The following TMEM63A variants were observed in gnomAD, a reference collection of about 807,000 sequenced individuals.
TMEM63A encodes transmembrane protein 63A.
Under a neutral mutation model 100.6 loss-of-function variants are expected in TMEM63A, and 76 were observed. That is an observed-to-expected ratio of 0.76 (90% CI 0.63 to 0.91). TMEM63A has a LOEUF of 0.91. TMEM63A is among the 40% of genes least tolerant of loss of function. The pLI is 0.00. For missense variants in TMEM63A, 876 were observed against 1,008.8 expected (o/e 0.87, Z 1.78); for synonymous variants, 401 against 401.1 (o/e 1.00, Z 0.00).
chr1:225,862,961 C>T lies in TMEM63A; in HGVS notation c.747-110G>A. 1.9e-6 allele frequency: 2 copies of T among 1,046,232 alleles called. No individual in the cohort carries two copies. The highest frequency in any genetic ancestry group is 2.9e-6 in the Non-Finnish European group (2 of 688,872). 64.8% of individuals were successfully genotyped at this position (1,046,232 alleles called of 1,614,324 possible). A position where few individuals can be genotyped will look rare whatever the true frequency, so the allele number is the denominator to read the frequency against. ...AAAGGATGGCAGAGTGATCTCGCTG[C>T]TGGTTTCTGTGCCAGCGGAGACCTC... On this transcript the variant is annotated intron_variant, in intron 10 of 24. Coordinates refer to ENST00000366835, the MANE Select transcript of TMEM63A (RefSeq NM_014698.3). This position sits in a 1 kb window ranked among gnomAD's most constrained non-coding sequence, Gnocchi z 5.1.
chr1:225,867,220 G>A lies in TMEM63A; in HGVS notation c.515-57C>T, dbSNP rs1053209268. On this transcript the variant is annotated intron_variant, in intron 7 of 24. Transcript: ENST00000366835. This position sits in a 1 kb window ranked among gnomAD's most constrained non-coding sequence, Gnocchi z 4.6. The stretch of plus-strand genomic sequence containing the variant: ...GTCATGTGGGGAAGCAGGAGGGGGC[G>A]TAACCAATCAGCCTTGGTTTGTGGA... 21 of 1,572,148 alleles carry A rather than the reference G, an allele frequency of 1.3e-5. No individual in the cohort carries two copies. Among genetic ancestry groups the A allele is most frequent in the African/African-American group, 5.4e-5 (4 of 73,920 alleles).
At chr1:225,845,385 A>C (rs1382794008), downstream of TMEM63A, 1 of 1,519,462 alleles carries the variant, frequency 6.6e-7, no homozygotes, top group South Asian at 1.2e-5. Flanking sequence ...TCCCCCCACA[A>C]GTGCCCTCCA....
chr1:225,881,828 T>C (rs1671104280), intron 1 of TMEM63A, among the ~76,000 whole-genome samples: 1 of 127,426 alleles, frequency 7.8e-6, no homozygotes, highest in Non-Finnish European at 1.7e-5. Flanking sequence ...GTCCCCAGCC[T>C]CCCTCCTCAG....
chr1:225,864,682 G>A (rs1670111452), intron 10 of TMEM63A: 1 of 152,222 alleles, frequency 6.6e-6, no homozygotes, highest in Non-Finnish European at 1.5e-5. Flanking sequence ...TAGAGTTTCT[G>A]AAGAAGTTTT....
intron 17 of TMEM63A, 45 bp downstream of exon 17, chr1:225,856,607 T>C: frequency 6.3e-7 from 1 of 1,597,474 alleles, no homozygotes; most frequent in Non-Finnish European, 8.6e-7. Context: ...GCTCTCCTGA[T>C]GTGACTCTTA....
In TMEM63A at chr1:225,853,477, T is replaced by G. The variant is rs1576074014; in HGVS notation, c.1797+152A>C. 5 of 738,808 alleles carry G rather than the reference T, an allele frequency of 6.8e-6. No individual in the cohort carries two copies. The highest frequency in any genetic ancestry group is 2.9e-5 in the South Asian group (1 of 34,352). 45.8% of individuals were successfully genotyped at this position (738,808 alleles called of 1,614,324 possible). ...GAGGCCACGCCTGCCTGGACCCGGG[T>G]TTGAGAAGCACTTAGCCCAGTGCCT... On this transcript the variant is annotated intron_variant, in intron 19 of 24. Transcript: ENST00000366835. The surrounding 1 kb of genome is among the most constrained non-coding windows in gnomAD (Gnocchi z 4.0).
chr1:225,848,436 T>C (rs1669134423), intron 23 of TMEM63A, 56 bp downstream of exon 23: 1 of 1,598,364 alleles, frequency 6.3e-7, no homozygotes, highest in African/African-American at 1.3e-5. Context: ...TTGGGACTGT[T>C]ACAACCAAAG....
In TMEM63A at chr1:225,862,394, TG is replaced by T. The variant is rs778752505; in HGVS notation, c.952-44del. The T allele has an allele frequency of 9.9e-5, 160 of 1,613,880 alleles. No individual in the cohort carries two copies. Among genetic ancestry groups the T allele is most frequent in the Non-Finnish European group, 1.3e-4 (159 of 1,179,844 alleles). Reference sequence around the variant, plus strand: ...CCATTGGGATGACGTGGCCCCATGCTGGTATCTGGGGCACCCCGATGCCAAT... The same window carrying T: ...CCATTGGGATGACGTGGCCCCATGCTGTATCTGGGGCACCCCGATGCCAAT... On this transcript the variant is annotated intron_variant, in intron 12 of 24. Transcript: ENST00000366835. This position sits in a 1 kb window ranked among gnomAD's most constrained non-coding sequence, Gnocchi z 5.1.
At chr1:225,848,371 G>A in intron 23 of TMEM63A, 121 bp downstream of exon 23, 5 of 1,013,128 alleles carry the variant, frequency 4.9e-6, no homozygotes, top group Non-Finnish European at 7.3e-6. Context: ...TCACAAACTT[G>A]CCTGCCATGT....
chr1:225,852,542 G>T (rs1205355268), intron 20 of TMEM63A, 122 bp downstream of exon 20: 4 of 832,928 alleles, frequency 4.8e-6, no homozygotes, highest in Non-Finnish European at 5.9e-6. Flanking sequence ...GCAGCTTGTG[G>T]CTCTTGTGGC....
intron 10 of TMEM63A, chr1:225,864,945 ACT>A (rs933116482): frequency 6.6e-6 from 1 of 152,024 alleles, no homozygotes; most frequent in African/African-American, 2.4e-5. Context: ...ACATAGCAAG[ACT>A]CTATCTCCAT....
At chr1:225,857,945 G>A (rs541764711) in intron 15 of TMEM63A, among the ~76,000 whole-genome samples, 1 of 152,112 alleles carries the variant, frequency 6.6e-6, no homozygotes, top group Non-Finnish European at 1.5e-5. Flanking sequence ...ACTATCTATG[G>A]AGTCAGATAA....
chr1:225,853,618 G>A lies in TMEM63A; in HGVS notation c.1797+11C>T. Reference sequence around the variant, plus strand: ...AGTCAGAGGCACAGCCCTGGGCCCAGGGGATGGCACCTGCTTGACATTCCT... The same window carrying A: ...AGTCAGAGGCACAGCCCTGGGCCCAAGGGATGGCACCTGCTTGACATTCCT... On this transcript the variant is annotated intron_variant, in intron 19 of 24. Transcript: ENST00000366835. This position sits in a 1 kb window ranked among gnomAD's most constrained non-coding sequence, Gnocchi z 4.0. 6.4e-7 allele frequency: 1 copy of A among 1,551,614 alleles called. No homozygotes were observed. Among genetic ancestry groups the A allele is most frequent in the Non-Finnish European group, 8.7e-7 (1 of 1,146,548 alleles).
chr1:225,862,149 G>C lies in TMEM63A; in HGVS notation c.1085+69C>G. 2 of 1,591,310 alleles carry C rather than the reference G, an allele frequency of 1.3e-6. No individual in the cohort carries two copies. Among genetic ancestry groups the C allele is most frequent in the South Asian group, 1.1e-5 (1 of 88,770 alleles). On this transcript the variant is annotated intron_variant, in intron 13 of 24. Coordinates refer to ENST00000366835, the MANE Select transcript of TMEM63A (RefSeq NM_014698.3). The surrounding 1 kb of genome is among the most constrained non-coding windows in gnomAD (Gnocchi z 5.1). ...TCAGCAGTACCATCTCCACTCGAGA[G>C]GGACAGTGAGTTATCTGGAGGGGAA...
chr1:225,874,228 A>T, intron 4 of TMEM63A, 60 bp downstream of exon 4: 1 of 1,499,560 alleles, frequency 6.7e-7, no homozygotes, highest in Non-Finnish European at 9.2e-7. Context: ...ACACTCACGC[A>T]CATATACACA....
intron 22 of TMEM63A, 75 bp downstream of exon 22, chr1:225,848,822 G>A (rs933005217): frequency 1.6e-5 from 19 of 1,181,600 alleles, no homozygotes; most frequent in Admixed American, 6.0e-5. Context: ...AAGGGTGGGC[G>A]GGGTTGACAG....
At chr1:225,866,023 G>T in intron 9 of TMEM63A, 56 bp from the exon 10 acceptor site, 1 of 1,582,676 alleles carries the variant, frequency 6.3e-7, no homozygotes, top group South Asian at 1.1e-5. Flanking sequence ...GTGCCGGTAT[G>T]CTCAGGTTTC....
downstream of TMEM63A, among the ~76,000 whole-genome samples, chr1:225,843,442 C>T (rs564115274): frequency 6.6e-6 from 1 of 152,332 alleles, no homozygotes; most frequent in Admixed American, 6.5e-5. Flanking sequence ...TCCTCACCTC[C>T]TCCAAGAGCC....
rs578230102 is a variant in TMEM63A at position 225,857,786 on chromosome 1, A to G, written c.1378-769T>C. Among the ~76,000 whole-genome samples, 28 of 152,356 alleles carry G rather than the reference A, an allele frequency of 1.8e-4. No individual in the cohort carries two copies. The South Asian group carries it at 5.8e-3, about 32-fold the overall frequency. On this transcript the variant is annotated intron_variant, in intron 15 of 24. Transcript: ENST00000366835. ...TGAAATAAGGGTGTGGTTGATGTAA[A>G]GTAGACAAAGGGGAGCTCTCATCAG...
Sources: gnomAD v4.1 joint callset for allele counts (sites outside exome capture counted in the v4.1 genomes callset) on GRCh38, gnomAD v4.1.1 for gene constraint, Gnocchi (gnomAD v3.1) non-coding constraint, MANE v1.5 for transcripts, NCBI Gene and HGNC (gene_info 2026-07-23, HGNC 2026-07-21) for gene names.